The following BRAT1 variants were observed in gnomAD, a reference collection of about 807,000 sequenced individuals.
The protein encoded by BRAT1 is integrator complex assembly factor BRAT1.
In BRAT1, 74 loss-of-function variants were observed where a neutral mutation model predicts 70.6. The observed-to-expected ratio is 1.05, with a 90% CI of 0.87 to 1.27. The LOEUF (loss-of-function observed/expected upper bound fraction) is 1.27, where lower values mean the gene tolerates loss of function less well. BRAT1 is among the 50% of genes most tolerant of loss of function. The probability of loss-of-function intolerance (pLI) is 0.00; values close to 1 mark genes in which losing one functional copy is unlikely to be tolerated. For missense variants in BRAT1, 1,203 were observed against 1,098.2 expected (o/e 1.10, Z -1.35); for synonymous variants, 615 against 517.1 (o/e 1.19, Z -2.57).
chr7:2,549,298 C>G (rs1014616852), intron 2 of BRAT1, among the ~76,000 whole-genome samples: 1 of 151,816 alleles, frequency 6.6e-6, no homozygotes, highest in African/African-American at 2.4e-5. Context: ...CCAGCTTGGG[C>G]AACACAGGAA....
In BRAT1 at chr7:2,543,716, C is replaced by T; in HGVS notation, c.677G>A (p.Gly226Glu). 1 of 1,584,782 alleles carries T rather than the reference C, an allele frequency of 6.3e-7. No homozygotes were observed. Among genetic ancestry groups the T allele is most frequent in the South Asian group, 1.1e-5 (1 of 88,746 alleles). Residue 226 changes from glycine (G) to glutamate (E), a missense_variant, in exon 5 of 14, where the codon GGG becomes GAG. Transcript: ENST00000340611. The surrounding 1 kb of genome is among the most constrained non-coding windows in gnomAD (Gnocchi z 5.5). ...QALNVLTTTFGRCQSPWTEAL... is the reference protein window; with the variant it reads ...QALNVLTTTFERCQSPWTEAL... Reference sequence around the variant, plus strand: ...TTCCGTCCAGGGGCTCTGGCAGCGCCCGAAGGTCGTGGTCAGGACGTTCAG... The same window carrying T: ...TTCCGTCCAGGGGCTCTGGCAGCGCTCGAAGGTCGTGGTCAGGACGTTCAG...
intron 3 of BRAT1, among the ~76,000 whole-genome samples, chr7:2,546,769 AAATT>A (rs1316958125): frequency 6.6e-6 from 1 of 152,028 alleles, no homozygotes; most frequent in Non-Finnish European, 1.5e-5. Context: ...AAAATAAATA[AAATT>A]AATTTTTTAA....
intron 1 of BRAT1, 144 bp from the exon 2 acceptor site, chr7:2,554,591 C>G: frequency 1.9e-6 from 2 of 1,070,908 alleles, no homozygotes; most frequent in Non-Finnish European, 2.6e-6. Context: ...GATCCCCAGA[C>G]CAGAGGTCTG....
intron 13 of BRAT1, 177 bp from the exon 14 acceptor site, chr7:2,538,941 C>T: frequency 2.1e-6 from 3 of 1,451,310 alleles, no homozygotes; most frequent in Non-Finnish European, 1.8e-6. Context: ...CTCAGTTTAC[C>T]CATCTGTCAA....
chr7:2,544,647 C>T lies in BRAT1; in HGVS notation c.430+262G>A, dbSNP rs898556672. On this transcript the variant is annotated intron_variant, in intron 4 of 13. Transcript: ENST00000340611. Reference sequence around the variant, plus strand: ...TCCCGAGTAGCTGGGACTATAGCCACGCATCACCACGCCTGGCTCCCAAAT... The same window carrying T: ...TCCCGAGTAGCTGGGACTATAGCCATGCATCACCACGCCTGGCTCCCAAAT... Among the ~76,000 whole-genome samples, 3 of 152,206 alleles carry T rather than the reference C, an allele frequency of 2.0e-5. No homozygotes were observed. The East Asian group carries it at 5.8e-4, about 29-fold the overall frequency.
Position 2,541,298 on chromosome 7 carries a change from C to G in BRAT1, c.1321G>C (p.Gly441Arg). The change falls in exon 9 of 14, where the codon GGC becomes CGC. Residue 441 changes from glycine (G) to arginine (R), a missense_variant and splice_region_variant. Physicochemically the swap from Gly to Arg is moderately radical, Grantham distance 125. Transcript: ENST00000340611. ...DFLGTLSQGTGPQELVTQALA... is the reference protein window; with the variant it reads ...DFLGTLSQGTRPQELVTQALA... Reference sequence around the variant, plus strand: ...CCAAAGCCGTACAGAACACACTCACCTGTCCCCTGTGACAGCGTCCCCAGG... The same window carrying G: ...CCAAAGCCGTACAGAACACACTCACGTGTCCCCTGTGACAGCGTCCCCAGG... The G allele has an allele frequency of 1.9e-6, 3 of 1,587,030 alleles. No homozygotes were observed. Among genetic ancestry groups the G allele is most frequent in the Non-Finnish European group, 2.6e-6 (3 of 1,170,714 alleles).
chr7:2,555,162 C>T (rs1780330388), intron 1 of BRAT1, among the ~76,000 whole-genome samples: 1 of 151,552 alleles, frequency 6.6e-6, no homozygotes, highest in Non-Finnish European at 1.5e-5. Flanking sequence ...ACCAGGTGTG[C>T]ATCCGTGCGT....
intron 6 of BRAT1, chr7:2,542,445 G>C (rs1779249360): frequency 3.5e-6 from 2 of 565,194 alleles, no homozygotes; most frequent in African/African-American, 1.9e-5. Flanking sequence ...CAGATACTGA[G>C]GGGCCTCCAG....
chr7:2,538,454 GCC>G lies in BRAT1; in HGVS notation c.2079_2080del (p.Arg693SerfsTer9). 2 of 1,613,038 alleles carry G rather than the reference GCC, an allele frequency of 1.2e-6. No individual in the cohort carries two copies. Among genetic ancestry groups the G allele is most frequent in the African/African-American group, 2.7e-5 (2 of 75,052 alleles). On this transcript the variant is annotated frameshift_variant, in exon 14 of 14. Coordinates refer to ENST00000340611, the MANE Select transcript of BRAT1 (RefSeq NM_152743.4). LOFTEE classifies it low-confidence loss of function (END_TRUNC). ...GTCAAAGAGCCCCACGTGGCAGAGA[GCC>G]CTCAGTGCCTCGGTGAGTGGCTGGG...
At chr7:2,546,983 G>A (rs1446002410) in intron 3 of BRAT1, among the ~76,000 whole-genome samples, 2 of 151,686 alleles carry the variant, frequency 1.3e-5, no homozygotes, top group Non-Finnish European at 2.9e-5. Flanking sequence ...CCCAGGAAGA[G>A]ACGGAGGCCA....
In BRAT1 at chr7:2,544,022, GGCAGAGGGCCTCAGGGAAGATACAAATA is replaced by G. The variant is rs11267702; in HGVS notation, c.431-88_431-61del. 0.12 allele frequency: 158,038 copies of G among 1,360,558 alleles called. 10,491 individuals are homozygous for G. Among genetic ancestry groups the G allele is most frequent in the African/African-American group, 0.21 (14,214 of 67,448 alleles). 84.3% of individuals were successfully genotyped at this position (1,360,558 alleles called of 1,614,324 possible). A position where few individuals can be genotyped will look rare whatever the true frequency, so the allele number is the denominator to read the frequency against. On this transcript the variant is annotated intron_variant, in intron 4 of 13. Coordinates refer to ENST00000340611, the MANE Select transcript of BRAT1 (RefSeq NM_152743.4). ...GGTGAGCCAGAATAGAGCTGGGGGA[GGCAGAGGGCCTCAGGGAAGATACAAATA>G]GCAGAGGGCCCCCCAAGATGCCCCC...
At position 2,551,254 on chromosome 7, in the gene BRAT1, T is replaced by C. The variant is rs866240273; in HGVS notation, c.127+3051A>G. Among the ~76,000 whole-genome samples the C allele has an allele frequency of 1.6e-3, 240 of 147,898 alleles. 1 individual carries two copies. The Middle Eastern group carries it at 0.036, about 22-fold the overall frequency. The stretch of plus-strand genomic sequence containing the variant: ...AGACTTGGTCTCAAAAAAAAAAAAA[T>C]CTATATCTATATATATATCTATATA... On this transcript the variant is annotated intron_variant, in intron 2 of 13. Coordinates refer to ENST00000340611, the MANE Select transcript of BRAT1 (RefSeq NM_152743.4).
At position 2,543,437 on chromosome 7, in the gene BRAT1, T is replaced by A; in HGVS notation, c.804-114A>T. On this transcript the variant is annotated intron_variant, in intron 5 of 13. Transcript: ENST00000340611. This position sits in a 1 kb window ranked among gnomAD's most constrained non-coding sequence, Gnocchi z 5.5. ...GGAGGCGCCCAGCCCAAGACAGGCC[T>A]TTCCCCATGAGGGTTCCAGGGTCAC... is the stretch of plus-strand genomic sequence containing the variant. 1 of 1,482,860 alleles carries A rather than the reference T, an allele frequency of 6.7e-7. No homozygotes were observed. The highest frequency in any genetic ancestry group is 8.9e-7 in the Non-Finnish European group (1 of 1,119,162). 91.9% of individuals were successfully genotyped at this position (1,482,860 alleles called of 1,614,324 possible). A position where few individuals can be genotyped will look rare whatever the true frequency, so the allele number is the denominator to read the frequency against.
intron 7 of BRAT1, 41 bp downstream of exon 7, chr7:2,542,079 G>C: frequency 6.9e-7 from 1 of 1,457,758 alleles, no homozygotes. Flanking sequence ...CAGCCGCAGG[G>C]ACCCAGGTTC....
In BRAT1 at chr7:2,539,099, C is replaced by T. The variant is rs575930311; in HGVS notation, c.1770+80G>A. The T allele has an allele frequency of 2.4e-5, 37 of 1,514,146 alleles. 1 individual carries two copies. In the East Asian group the frequency reaches 8.0e-4, roughly 33 times the overall value. 93.8% of individuals were successfully genotyped at this position (1,514,146 alleles called of 1,614,324 possible). On this transcript the variant is annotated intron_variant, in intron 13 of 13. Coordinates refer to ENST00000340611, the MANE Select transcript of BRAT1 (RefSeq NM_152743.4). Reference sequence around the variant, plus strand: ...CAGCTGCTCCCACGCTGCATGCTGGCCGCTCGACCACCCGCAAGCAAACGA... The same window carrying T: ...CAGCTGCTCCCACGCTGCATGCTGGTCGCTCGACCACCCGCAAGCAAACGA...
rs970079594 is a variant in BRAT1 at position 2,542,637 on chromosome 7, C to T, written c.924-426G>A. ...GGGCCGGGCCTGTTCCTCCATCCTC[C>T]CCCGGTCTACTCTCTCCTAAACATT... On this transcript the variant is annotated intron_variant, in intron 6 of 13. Transcript: ENST00000340611. 5 of 219,948 alleles carry T rather than the reference C, an allele frequency of 2.3e-5. No homozygotes were observed. The South Asian group carries it at 2.5e-4, about 11-fold the overall frequency. The allele number at this position is 219,948 out of a possible 1,614,324, so 13.6% of individuals were successfully genotyped here.
chr7:2,553,362 A>C (rs1478822116), intron 2 of BRAT1, among the ~76,000 whole-genome samples: 1 of 152,176 alleles, frequency 6.6e-6, no homozygotes, highest in African/African-American at 2.4e-5. Flanking sequence ...GAAAAATGAG[A>C]AATATAAACA....
In BRAT1 at chr7:2,541,295, C is replaced by T; in HGVS notation, c.1321+3G>A. The stretch of plus-strand genomic sequence containing the variant: ...ACGCCAAAGCCGTACAGAACACACT[C>T]ACCTGTCCCCTGTGACAGCGTCCCC... On this transcript the variant is annotated splice_donor_region_variant and intron_variant, in intron 9 of 13. Coordinates refer to ENST00000340611, the MANE Select transcript of BRAT1 (RefSeq NM_152743.4). 2 of 1,585,186 alleles carry T rather than the reference C, an allele frequency of 1.3e-6. No individual in the cohort carries two copies. The highest frequency in any genetic ancestry group is 1.7e-6 in the Non-Finnish European group (2 of 1,169,784).
At position 2,541,137 on chromosome 7, in the gene BRAT1, C is replaced by A. The variant is rs1779122969; in HGVS notation, c.1322-85G>T. 5 of 1,463,060 alleles carry A rather than the reference C, an allele frequency of 3.4e-6. No individual in the cohort carries two copies. The African/African-American group carries it at 5.8e-5, about 17-fold the overall frequency. The allele number at this position is 1,463,060 out of a possible 1,614,324, so 90.6% of individuals were successfully genotyped here. On this transcript the variant is annotated intron_variant, in intron 9 of 13. Coordinates refer to ENST00000340611, the MANE Select transcript of BRAT1 (RefSeq NM_152743.4). Reference sequence around the variant, plus strand: ...ACTCTGGGAAGGAGCAGAACAAGGCCTCATCCGCCAGCTGAAACCTCCTGC... The same window carrying A: ...ACTCTGGGAAGGAGCAGAACAAGGCATCATCCGCCAGCTGAAACCTCCTGC...
Sources: gnomAD v4.1 joint callset for allele counts (sites outside exome capture counted in the v4.1 genomes callset) on GRCh38, gnomAD v4.1.1 for gene constraint, Gnocchi (gnomAD v3.1) non-coding constraint, MANE v1.5 for transcripts, NCBI Gene and HGNC (gene_info 2026-07-23, HGNC 2026-07-21) for gene names.